Variants in CD163L1 observed in about 807,000 individuals in gnomAD.
CD163L1 encodes the protein scavenger receptor cysteine-rich type 1 protein M160.
In CD163L1, 124 loss-of-function variants were observed where a neutral mutation model predicts 165.4. That is an observed-to-expected ratio of 0.75 (90% CI 0.65 to 0.87). CD163L1 has a LOEUF of 0.87. Among genes scored for constraint, CD163L1 ranks in the 40% least tolerant of loss-of-function variants. The pLI is 0.00. For synonymous variants in CD163L1, 585 were observed against 662.2 expected (o/e 0.88, Z 1.79); for missense variants, 1,525 against 1,799.9 (o/e 0.85, Z 2.76).
At chr12:7,420,135 G>C (rs1234588827) in intron 4 of CD163L1, among the ~76,000 whole-genome samples, 1 of 152,078 alleles carries the variant, frequency 6.6e-6, no homozygotes, top group East Asian at 1.9e-4. Context: ...AAATGGTACT[G>C]GGATAATTGG....
At chr12:7,335,474 G>T in the CD163L1 span, among the ~76,000 whole-genome samples, 1 of 152,004 alleles carries the variant, frequency 6.6e-6, no homozygotes, top group Admixed American at 6.6e-5. Flanking sequence ...CTTCCTTACA[G>T]CTTATACAAA....
At chr12:7,346,361 C>T (rs895867353), downstream of CD163L1, among the ~76,000 whole-genome samples, 3 of 152,020 alleles carry the variant, frequency 2.0e-5, no homozygotes, top group Non-Finnish European at 4.4e-5. Context: ...TTCTCTAAAA[C>T]ATTTTAAAAT....
intron 4 of CD163L1, among the ~76,000 whole-genome samples, chr12:7,417,133 TC>T (rs1342133176): frequency 1.3e-5 from 2 of 152,166 alleles, no homozygotes; most frequent in African/African-American, 4.8e-5. Context: ...GTCCTTCATG[TC>T]CCTTGTAAGT....
At chr12:7,438,873 A>T in intron 2 of CD163L1, 1 of 1,582,436 alleles carries the variant, frequency 6.3e-7, no homozygotes, top group Non-Finnish European at 8.7e-7. Flanking sequence ...AGCTTCTCTA[A>T]CTCTGCAGCA....
chr12:7,322,269 A>G, the CD163L1 span: 1 of 1,066,090 alleles, frequency 9.4e-7, no homozygotes, highest in Non-Finnish European at 1.4e-6. Context: ...CTGGCAATAT[A>G]GCAGGTGTTC....
At chr12:7,351,077 C>A (rs12228197), downstream of CD163L1, among the ~76,000 whole-genome samples, 9,251 of 152,016 alleles carry the variant, frequency 0.061, 379 homozygotes, top group East Asian at 0.16. Context: ...ATGCATTGAA[C>A]TTAATTGTCA....
At chr12:7,376,450 C>G (rs1315210839) in intron 9 of CD163L1, among the ~76,000 whole-genome samples, 1 of 152,198 alleles carries the variant, frequency 6.6e-6, no homozygotes. Flanking sequence ...TATTCTGACT[C>G]TATTCTTTGC....
At chr12:7,338,354 C>T in the CD163L1 span, among the ~76,000 whole-genome samples, 266 of 152,164 alleles carry the variant, frequency 1.7e-3, no homozygotes, top group Non-Finnish European at 2.4e-3. Flanking sequence ...AAATTGTTCC[C>T]TTCATGTTGA....
chr12:7,330,783 C>A, the CD163L1 span, among the ~76,000 whole-genome samples: 2 of 152,212 alleles, frequency 1.3e-5, no homozygotes, highest in African/African-American at 4.8e-5. Flanking sequence ...AAAAACATTT[C>A]AAGAGTTCCT....
At chr12:7,362,252 TTATG>T (rs1416209946) in intron 18 of CD163L1, among the ~76,000 whole-genome samples, 1 of 142,916 alleles carries the variant, frequency 7.0e-6, no homozygotes, top group Non-Finnish European at 1.5e-5. Flanking sequence ...ATGTTATAGA[TTATG>T]TATTTAATAT....
At chr12:7,391,607 G>C (rs985669103) in intron 8 of CD163L1, among the ~76,000 whole-genome samples, 5 of 151,994 alleles carry the variant, frequency 3.3e-5, no homozygotes, top group African/African-American at 4.8e-5. Context: ...CAATCAAGTG[G>C]AAGAAAGGAT....
At chr12:7,421,037 G>A (rs200880025) in intron 4 of CD163L1, among the ~76,000 whole-genome samples, 5 of 78,570 alleles carry the variant, frequency 6.4e-5, no homozygotes, top group East Asian at 4.4e-4. Context: ...ATATATATAC[G>A]TGTATATATA....
intron 14 of CD163L1, among the ~76,000 whole-genome samples, chr12:7,370,956 G>C (rs142452421): frequency 3.9e-5 from 6 of 152,070 alleles, no homozygotes; most frequent in Non-Finnish European, 8.8e-5. Context: ...CACGTGTTGT[G>C]GGGGGGACCT....
the CD163L1 span, chr12:7,322,412 C>T: frequency 3.1e-6 from 5 of 1,613,546 alleles, no homozygotes; most frequent in East Asian, 1.1e-4. Context: ...AACTCTGTCT[C>T]TCCAGATATA....
chr12:7,432,117 T>C lies in CD163L1; in HGVS notation c.766+299A>G, dbSNP rs1223410429. ...ACCTCAGAGAAAGAAGGGAAAAATA[T>C]GATATTGTGTCAAGAAGTTATTTGA... On this transcript the variant is annotated intron_variant, in intron 4 of 19. Coordinates refer to ENST00000313599, the MANE Select transcript of CD163L1 (RefSeq NM_174941.6). The surrounding 1 kb of genome is among the most constrained non-coding windows in gnomAD (Gnocchi z 4.2). 6.6e-6 allele frequency among the ~76,000 whole-genome samples: 1 copy of C among 152,112 alleles called. No individual in the cohort carries two copies. Among genetic ancestry groups the C allele is most frequent in the Non-Finnish European group, 1.5e-5 (1 of 68,028 alleles).
chr12:7,335,391 A>G, the CD163L1 span, among the ~76,000 whole-genome samples: 1 of 152,222 alleles, frequency 6.6e-6, no homozygotes, highest in Non-Finnish European at 1.5e-5. Context: ...AGCAATGGGG[A>G]AAGGATTCCC....
chr12:7,319,644 C>G, the CD163L1 span, among the ~76,000 whole-genome samples: 1 of 151,766 alleles, frequency 6.6e-6, no homozygotes, highest in East Asian at 1.9e-4. Context: ...CCTTGCCCCG[C>G]CACTCACCTC....
intron 2 of CD163L1, among the ~76,000 whole-genome samples, chr12:7,435,598 T>G (rs140962082): frequency 1.4e-3 from 208 of 152,110 alleles, no homozygotes; most frequent in African/African-American, 4.9e-3. Context: ...ATGAGTCATA[T>G]CCTCATACAT....
chr12:7,398,551 G>A lies in CD163L1; in HGVS notation c.1442C>T (p.Ala481Val), dbSNP rs755198715. The A allele has an allele frequency of 1.2e-6, 2 of 1,600,256 alleles. No individual in the cohort carries two copies. Among genetic ancestry groups the A allele is most frequent in the Non-Finnish European group, 1.7e-6 (2 of 1,173,676 alleles). The part of the protein sequence containing the change: ...KADLDLRLVG[A>V]HSPCYGRLEV... The stretch of plus-strand genomic sequence containing the variant: ...CAATCTCCCATAACAGGGGCTATGA[G>A]CCCCGACAAGCCTTAGGTCCAGATC... The change falls in exon 7 of 20, where the codon GCT becomes GTT. Residue 481 changes from alanine to valine, a missense_variant. Physicochemically the swap from Ala to Val is moderately conservative, Grantham distance 64. Coordinates refer to ENST00000313599, the MANE Select transcript of CD163L1 (RefSeq NM_174941.6). This position sits in a 1 kb window ranked among gnomAD's most constrained non-coding sequence, Gnocchi z 4.5.
Sources: gnomAD v4.1 joint callset for allele counts (sites outside exome capture counted in the v4.1 genomes callset) on GRCh38, gnomAD v4.1.1 for gene constraint, Gnocchi (gnomAD v3.1) non-coding constraint, MANE v1.5 for transcripts, NCBI Gene and HGNC (gene_info 2026-07-23, HGNC 2026-07-21) for gene names.